Variants in NBAS observed in about 807,000 individuals in gnomAD.
NBAS encodes NBAS subunit of NRZ tethering complex.
Under a neutral mutation model 302.5 loss-of-function variants are expected in NBAS, and 219 were observed. The observed-to-expected ratio is 0.72, with a 90% CI of 0.65 to 0.81. The LOEUF (loss-of-function observed/expected upper bound fraction) is 0.81. NBAS is among the 30% of genes least tolerant of loss of function. The pLI, the probability that NBAS is intolerant of heterozygous loss-of-function variation, is 0.00. For synonymous variants in NBAS, 1,118 were observed against 1,021.6 expected (o/e 1.09, Z -1.80); for missense variants, 2,932 against 2,841.6 (o/e 1.03, Z -0.72).
At chr2:14,894,404 C>A in the NBAS span, among the ~76,000 whole-genome samples, 2 of 152,026 alleles carry the variant, frequency 1.3e-5, no homozygotes, top group Non-Finnish European at 2.9e-5. Context: ...GAACTGATAT[C>A]TTATCTGATA....
At chr2:14,894,099 A>T in the NBAS span, among the ~76,000 whole-genome samples, 1 of 152,234 alleles carries the variant, frequency 6.6e-6, no homozygotes, top group African/African-American at 2.4e-5. Flanking sequence ...ACCAAAAGTT[A>T]AGACTCTATC....
At chr2:15,143,921 G>A in the NBAS span, among the ~76,000 whole-genome samples, 2 of 151,204 alleles carry the variant, frequency 1.3e-5, no homozygotes, top group African/African-American at 4.9e-5. Flanking sequence ...TCAAACATCA[G>A]ACTTCAAGTT....
chr2:15,173,390 G>A (rs369785940), intron 51 of NBAS, among the ~76,000 whole-genome samples: 3 of 152,200 alleles, frequency 2.0e-5, no homozygotes, highest in Middle Eastern at 3.4e-3. Flanking sequence ...AATGCATGCA[G>A]CCCTCATTTC....
chr2:15,446,049 G>T (rs1037540797), intron 21 of NBAS, among the ~76,000 whole-genome samples: 11 of 151,396 alleles, frequency 7.3e-5, no homozygotes, highest in African/African-American at 2.7e-4. Context: ...TGTAAGATAT[G>T]ATCACATGGT....
At chr2:15,387,638 AT>A (rs200802033) in intron 28 of NBAS, among the ~76,000 whole-genome samples, 47 of 149,638 alleles carry the variant, frequency 3.1e-4, no homozygotes, top group East Asian at 1.6e-3. Flanking sequence ...TCTGGAAATT[AT>A]TTTTTTTTTT....
chr2:14,916,374 AC>A, the NBAS span, among the ~76,000 whole-genome samples: 3 of 152,210 alleles, frequency 2.0e-5, no homozygotes, highest in African/African-American at 7.2e-5. Context: ...CAAGGCAAGA[AC>A]ATTCTGTGAA....
chr2:15,144,050 T>TATATATATATATATATTATC, the NBAS span, among the ~76,000 whole-genome samples: 1 of 124,236 alleles, frequency 8.0e-6, no homozygotes, highest in Non-Finnish European at 1.6e-5. Flanking sequence ...TATATAAAAA[T>TATATATATATATATATTATC]ATATATATAT....
At chr2:15,292,428 C>T (rs1281934721) in intron 41 of NBAS, 109 bp downstream of exon 41, 1 of 1,158,160 alleles carries the variant, frequency 8.6e-7, no homozygotes, top group African/African-American at 1.5e-5. Flanking sequence ...CTATTCATAG[C>T]AACCATGAAT....
At chr2:14,789,080 C>G in the NBAS span, among the ~76,000 whole-genome samples, 1 of 152,228 alleles carries the variant, frequency 6.6e-6, no homozygotes, top group Non-Finnish European at 1.5e-5. Flanking sequence ...GCAGTTTGAT[C>G]TCAGACTGCT....
At chr2:15,145,683 G>T in the NBAS span, among the ~76,000 whole-genome samples, 8 of 152,022 alleles carry the variant, frequency 5.3e-5, no homozygotes, top group Non-Finnish European at 1.2e-4. Context: ...CACTCCTGCT[G>T]CAAAAGTATG....
the NBAS span, among the ~76,000 whole-genome samples, chr2:14,837,022 G>A: frequency 5.9e-5 from 9 of 151,800 alleles, no homozygotes; most frequent in South Asian, 1.9e-3. Flanking sequence ...TAGCAACCTT[G>A]CTAAACTCAT....
At chr2:15,394,451 A>C in intron 27 of NBAS, 102 bp from the exon 28 acceptor site, 4 of 1,255,788 alleles carry the variant, frequency 3.2e-6, no homozygotes, top group Non-Finnish European at 4.5e-6. Flanking sequence ...TATTAAAAAA[A>C]AATTATCCCA....
chr2:14,972,051 A>C, the NBAS span, among the ~76,000 whole-genome samples: 1 of 152,084 alleles, frequency 6.6e-6, no homozygotes, highest in African/African-American at 2.4e-5. Context: ...ATATGTACAG[A>C]GAAAAAAAAA....
At chr2:15,410,667 C>T (rs1676639676) in intron 25 of NBAS, among the ~76,000 whole-genome samples, 1 of 152,098 alleles carries the variant, frequency 6.6e-6, no homozygotes, top group Admixed American at 6.5e-5. Flanking sequence ...TACAAAGAAG[C>T]TAGATTTGCT....
intron 35 of NBAS, 141 bp from the exon 36 acceptor site, chr2:15,330,906 TAACA>T (rs1672312328): frequency 1.2e-6 from 1 of 854,140 alleles, no homozygotes; most frequent in Non-Finnish European, 1.8e-6. Context: ...ACTTTGCTTG[TAACA>T]AAATAAATGT....
At chr2:15,160,685 T>C in the NBAS span, among the ~76,000 whole-genome samples, 1 of 150,896 alleles carries the variant, frequency 6.6e-6, no homozygotes, top group Non-Finnish European at 1.5e-5. Context: ...GAATCCCCCA[T>C]TGACCAATCT....
intron 32 of NBAS, 57 bp from the exon 33 acceptor site, chr2:15,356,473 G>A (rs968879879): frequency 5.1e-6 from 6 of 1,172,872 alleles, no homozygotes; most frequent in Admixed American, 5.1e-5. Context: ...ATTGATAGAA[G>A]AGCTTGTTAA....
intron 35 of NBAS, among the ~76,000 whole-genome samples, chr2:15,345,387 A>C (rs767975292): frequency 6.6e-6 from 1 of 152,150 alleles, no homozygotes; most frequent in Non-Finnish European, 1.5e-5. Context: ...CAAATCATGA[A>C]TAAACTTCCA....
At chr2:15,439,870 G>A (rs764594985) in intron 21 of NBAS, among the ~76,000 whole-genome samples, 70 of 152,350 alleles carry the variant, frequency 4.6e-4, no homozygotes, top group Non-Finnish European at 6.6e-4. Context: ...CACCTGGCTC[G>A]GAGGGTCCTA....
Sources: allele counts gnomAD v4.1 joint callset (sites outside exome capture counted in the v4.1 genomes callset), GRCh38; gene constraint gnomAD v4.1.1; transcripts MANE v1.5; gene names NCBI Gene and HGNC (gene_info 2026-07-23, HGNC 2026-07-21).